Variants in RSF1 observed in about 807,000 individuals in gnomAD.
The protein encoded by RSF1 is remodeling and spacing factor 1, also known as HBV pX-associated protein 8.
Under a neutral mutation model 145.2 loss-of-function variants are expected in RSF1, and 13 were observed. The observed-to-expected ratio is 0.09, with a 90% CI of 0.06 to 0.14. RSF1 has a LOEUF of 0.14. Among genes scored for constraint, RSF1 ranks in the 10% least tolerant of loss-of-function variants. The pLI is 1.00. For synonymous variants in RSF1, 577 were observed against 592.6 expected (o/e 0.97, Z 0.38); for missense variants, 1,517 against 1,718.2 (o/e 0.88, Z 2.07).
intron 1 of RSF1, among the ~76,000 whole-genome samples, chr11:77,808,131 C>G (rs1948695670): frequency 6.7e-6 from 1 of 150,240 alleles, no homozygotes; most frequent in Non-Finnish European, 1.5e-5. Flanking sequence ...GTCAGGAGTT[C>G]AAGACCAGCC....
intron 5 of RSF1, among the ~76,000 whole-genome samples, chr11:77,719,144 G>GGATCCCTTGA (rs1283486941): frequency 6.6e-6 from 1 of 152,110 alleles, no homozygotes; most frequent in Non-Finnish European, 1.5e-5. Context: ...CGAGGCAGGA[G>GGATCCCTTGA]GATCCCTTGA....
chr11:77,728,067 C>T (rs1235711126), intron 4 of RSF1, among the ~76,000 whole-genome samples: 1 of 152,132 alleles, frequency 6.6e-6, no homozygotes, highest in Non-Finnish European at 1.5e-5. Context: ...AACAACAATC[C>T]AGTTGTTTTG....
chr11:77,830,876 C>A, the RSF1 span, among the ~76,000 whole-genome samples: 1 of 151,124 alleles, frequency 6.6e-6, no homozygotes, highest in African/African-American at 2.4e-5. Context: ...CACAGTGGCT[C>A]ATACCTGTAA....
the RSF1 span, among the ~76,000 whole-genome samples, chr11:77,871,981 A>T: frequency 6.6e-6 from 1 of 152,234 alleles, no homozygotes; most frequent in African/African-American, 2.4e-5. Flanking sequence ...CATGGGTATT[A>T]TGATACCTCT....
chr11:77,744,697 C>A (rs759285419), intron 3 of RSF1, among the ~76,000 whole-genome samples: 65 of 152,294 alleles, frequency 4.3e-4, no homozygotes, highest in Non-Finnish European at 5.9e-5. Flanking sequence ...CATTTATGTG[C>A]TATTAAATTT....
intron 5 of RSF1, among the ~76,000 whole-genome samples, chr11:77,715,472 G>A (rs936345761): frequency 1.5e-4 from 23 of 152,126 alleles, no homozygotes; most frequent in Admixed American, 1.4e-3. Flanking sequence ...TTTTGAGAGG[G>A]AGTTGCACTC....
chr11:77,673,258 A>G (rs970711781), intron 14 of RSF1, among the ~76,000 whole-genome samples: 1 of 152,268 alleles, frequency 6.6e-6, no homozygotes, highest in Non-Finnish European at 1.5e-5. Flanking sequence ...TGCTAAATAA[A>G]GCACACAGAC....
the RSF1 span, among the ~76,000 whole-genome samples, chr11:77,826,644 A>T: frequency 1.3e-4 from 20 of 152,148 alleles, no homozygotes; most frequent in African/African-American, 1.7e-4. Context: ...TCTGTCTCCA[A>T]CAACACCCAG....
intron 13 of RSF1, 81 bp downstream of exon 13, chr11:77,676,711 C>G (rs1788807040): frequency 8.2e-7 from 1 of 1,214,036 alleles, no homozygotes. Flanking sequence ...ACCCTCATCA[C>G]AGCATGGGCA....
rs557219245 is a variant in RSF1, at chr11:77,727,631, C to CA, written c.579-1933dup. Among the ~76,000 whole-genome samples the CA allele has an allele frequency of 2.2e-3, 331 of 152,046 alleles. 2 individuals are homozygous for CA. The highest frequency in any genetic ancestry group is 7.8e-3 in the African/African-American group (323 of 41,476). Reference sequence around the variant, plus strand: ...AGCTGGGATTACAGGCACCCATCACCACGCCTGGCTAATTTCTTTTGTAAT... The same window carrying CA: ...AGCTGGGATTACAGGCACCCATCACCAACGCCTGGCTAATTTCTTTTGTAAT... On this transcript the variant is annotated intron_variant, in intron 4 of 15. Coordinates refer to ENST00000308488, the MANE Select transcript of RSF1 (RefSeq NM_016578.4).
chr11:77,821,137 G>C (rs1323968215), upstream of RSF1: 1 of 406,770 alleles, frequency 2.5e-6, no homozygotes, highest in African/African-American at 2.1e-5. Context: ...GCGTATTCCC[G>C]GAGGGCAGTT....
the RSF1 span, among the ~76,000 whole-genome samples, chr11:77,858,937 T>C: frequency 4.6e-5 from 7 of 152,214 alleles, no homozygotes; most frequent in African/African-American, 1.7e-4. Flanking sequence ...TGGCCTGCAG[T>C]GCAGGGGATT....
intron 1 of RSF1, among the ~76,000 whole-genome samples, chr11:77,780,039 G>A (rs539798084): frequency 3.9e-5 from 6 of 152,102 alleles, no homozygotes; most frequent in African/African-American, 1.2e-4. Context: ...GCCAATGCTG[G>A]GTGTTCCCAA....
rs1433771168 is a variant in RSF1, at chr11:77,806,061, G to C, written c.187+14467C>G. 2.6e-5 allele frequency among the ~76,000 whole-genome samples: 4 copies of C among 151,994 alleles called. No individual in the cohort carries two copies. The East Asian group carries it at 7.7e-4, about 29-fold the overall frequency. On this transcript the variant is annotated intron_variant, in intron 1 of 15. Transcript: ENST00000308488. ...CCACTTCCCCAACTTTCTCACAATA[G>C]GAATGTAATATTATAACAACCTCCA...
At chr11:77,757,671 C>T (rs928072154) in intron 2 of RSF1, among the ~76,000 whole-genome samples, 1 of 151,026 alleles carries the variant, frequency 6.6e-6, no homozygotes, top group African/African-American at 2.4e-5. Flanking sequence ...AGCGAAACTC[C>T]GTCTCAAAAA....
the RSF1 span, among the ~76,000 whole-genome samples, chr11:77,839,827 CAG>C: frequency 2.0e-5 from 3 of 151,756 alleles, no homozygotes; most frequent in East Asian, 3.9e-4. Flanking sequence ...TGGTGGGGGT[CAG>C]GGGGAGGGAG....
chr11:77,691,422 T>C (rs539245583), intron 8 of RSF1, among the ~76,000 whole-genome samples, 184 bp from the exon 9 acceptor site: 1 of 152,330 alleles, frequency 6.6e-6, no homozygotes, highest in East Asian at 1.9e-4. Context: ...GCACAGTACC[T>C]TTGAAATAAA....
intron 13 of RSF1, 44 bp from the exon 14 acceptor site, chr11:77,675,300 G>A (rs1157006218): frequency 2.0e-6 from 3 of 1,502,500 alleles, no homozygotes; most frequent in South Asian, 1.3e-5. Context: ...ATTTAGAAGA[G>A]TGAACCCATT....
chr11:77,835,041 G>C, the RSF1 span, among the ~76,000 whole-genome samples: 1 of 152,284 alleles, frequency 6.6e-6, no homozygotes, highest in South Asian at 2.1e-4. Flanking sequence ...TTGGAGACTA[G>C]TACTTCCTTA....
Sources: allele counts gnomAD v4.1 joint callset (sites outside exome capture counted in the v4.1 genomes callset), GRCh38; gene constraint gnomAD v4.1.1; transcripts MANE v1.5; gene names NCBI Gene and HGNC (gene_info 2026-07-23, HGNC 2026-07-21).